The following CSMD1 variants were observed in gnomAD, a reference collection of about 807,000 sequenced individuals.
The protein encoded by CSMD1 is CUB and sushi domain-containing protein 1.
Under a neutral mutation model 417.5 loss-of-function variants are expected in CSMD1, and 213 were observed. The observed-to-expected ratio is 0.51, with a 90% CI of 0.46 to 0.57. The LOEUF is 0.57. CSMD1 is among the 20% of genes least tolerant of loss of function. The pLI is 0.00. For missense variants in CSMD1, 6,923 were observed against 4,529.7 expected (o/e 1.53, Z -15.17); for synonymous variants, 2,862 against 1,736.8 (o/e 1.65, Z -16.11).
At chr8:3,874,943 T>C (rs773544987) in intron 5 of CSMD1, among the ~76,000 whole-genome samples, 34 of 152,074 alleles carry the variant, frequency 2.2e-4, no homozygotes, top group Non-Finnish European at 4.1e-4. Context: ...GGCCTGACAT[T>C]TAATCTGAGA....
chr8:3,675,630 G>T (rs543074779), intron 7 of CSMD1, among the ~76,000 whole-genome samples: 1 of 152,076 alleles, frequency 6.6e-6, no homozygotes. Flanking sequence ...AGGAAAGGAG[G>T]AAACCAGGGT....
chr8:4,457,710 C>G (rs959829698), intron 2 of CSMD1, among the ~76,000 whole-genome samples: 5 of 152,106 alleles, frequency 3.3e-5, no homozygotes, highest in African/African-American at 1.2e-4. Context: ...GGCAGCTTCC[C>G]TTCCCGGTCC....
intron 7 of CSMD1, among the ~76,000 whole-genome samples, chr8:3,640,130 C>G (rs1328072116): frequency 6.6e-6 from 1 of 152,298 alleles, no homozygotes; most frequent in East Asian, 1.9e-4. Context: ...ACCTGTCCCA[C>G]TTTTTCTTGC....
intron 3 of CSMD1, among the ~76,000 whole-genome samples, chr8:4,163,939 G>A (rs966250510): frequency 1.3e-5 from 2 of 152,118 alleles, no homozygotes; most frequent in African/African-American, 2.4e-5. Flanking sequence ...TGTTATATAA[G>A]TTTTCCAGGC....
intron 3 of CSMD1, among the ~76,000 whole-genome samples, chr8:4,201,438 T>C (rs897911320): frequency 6.7e-6 from 1 of 148,380 alleles, no homozygotes; most frequent in Non-Finnish European, 1.5e-5. Flanking sequence ...CTCAGGAGGC[T>C]GAGGCAGGAG....
At chr8:4,516,672 C>T (rs1283215886) in intron 2 of CSMD1, among the ~76,000 whole-genome samples, 1 of 152,114 alleles carries the variant, frequency 6.6e-6, no homozygotes, top group South Asian at 2.1e-4. Flanking sequence ...TTATCTTTTC[C>T]ATGATCAGCC....
chr8:4,317,858 G>A (rs1415555804), intron 3 of CSMD1, among the ~76,000 whole-genome samples: 2 of 152,148 alleles, frequency 1.3e-5, no homozygotes, highest in Non-Finnish European at 2.9e-5. Context: ...AAGTTAAACC[G>A]AATTTTGGCA....
chr8:3,606,786 G>C (rs2469343), intron 8 of CSMD1, among the ~76,000 whole-genome samples: 107,655 of 151,120 alleles, frequency 0.71, 39,054 homozygotes, highest in Non-Finnish European at 0.79. Context: ...TCTCCACTCA[G>C]CGCAACCTCC....
chr8:4,226,701 C>G (rs1801379218), intron 3 of CSMD1, among the ~76,000 whole-genome samples: 1 of 151,888 alleles, frequency 6.6e-6, no homozygotes. Flanking sequence ...TTTACGTCCT[C>G]TTTAAAAAAG....
intron 1 of CSMD1, among the ~76,000 whole-genome samples, chr8:4,889,382 G>C (rs980019006): frequency 2.6e-5 from 4 of 152,132 alleles, no homozygotes; most frequent in South Asian, 4.1e-4. Context: ...GGAAGACTGA[G>C]AAACCACCAA....
In CSMD1 at chr8:3,670,438, T is replaced by TTA. The variant is rs1270008098; in HGVS notation, c.1009+37974_1009+37975dup. Among the ~76,000 whole-genome samples, 10 of 149,794 alleles carry TTA rather than the reference T, an allele frequency of 6.7e-5. 1 individual carries two copies. Among genetic ancestry groups the TTA allele is most frequent in the East Asian group, 3.9e-4 (2 of 5,128 alleles). On this transcript the variant is annotated intron_variant, in intron 7 of 69. Transcript: ENST00000635120. Reference sequence around the variant, plus strand: ...GAGTTAAAACCTAATAAACTCCCCTTTATATATATATAAATATCCCATATA... The same window carrying TTA: ...GAGTTAAAACCTAATAAACTCCCCTTTATATATATATATAAATATCCCATATA...
At chr8:4,155,734 T>G (rs1354501244) in intron 3 of CSMD1, among the ~76,000 whole-genome samples, 1 of 152,124 alleles carries the variant, frequency 6.6e-6, no homozygotes, top group Non-Finnish European at 1.5e-5. Context: ...GAAACATTCC[T>G]CCGTGTCAGC....
Position 3,262,934 on chromosome 8 carries a change from T to C in CSMD1, c.4153+21210A>G, listed in dbSNP as rs1444193848. 2.6e-5 allele frequency among the ~76,000 whole-genome samples: 4 copies of C among 152,280 alleles called. No homozygotes were observed. In the East Asian group the frequency reaches 7.7e-4, roughly 29 times the overall value. On this transcript the variant is annotated intron_variant, in intron 26 of 69. Coordinates refer to ENST00000635120, the MANE Select transcript of CSMD1 (RefSeq NM_033225.6). ...AAGAGAAAACTCAGTAGGAATCCTA[T>C]GAAAAAGTTTGTTGTTAATTAAAAG...
chr8:3,317,070 T>C (rs1805820772), intron 23 of CSMD1, among the ~76,000 whole-genome samples: 1 of 151,950 alleles, frequency 6.6e-6, no homozygotes, highest in South Asian at 2.1e-4. Flanking sequence ...GAAGACTCAG[T>C]AGATGATAGA....
chr8:4,378,662 A>G (rs538343760), intron 3 of CSMD1, among the ~76,000 whole-genome samples: 11 of 152,272 alleles, frequency 7.2e-5, no homozygotes, highest in Admixed American at 6.5e-4. Flanking sequence ...TGCTGGTTTA[A>G]TCATCCCCTT....
intron 4 of CSMD1, among the ~76,000 whole-genome samples, chr8:4,016,234 A>T (rs1796516568): frequency 6.6e-6 from 1 of 152,144 alleles, no homozygotes; most frequent in African/African-American, 2.4e-5. Context: ...TGATCTCTCC[A>T]TTCCCTTTGC....
chr8:3,986,012 C>A (rs1197266225), intron 5 of CSMD1, among the ~76,000 whole-genome samples: 2 of 152,072 alleles, frequency 1.3e-5, no homozygotes, highest in Non-Finnish European at 2.9e-5. Flanking sequence ...ACCCACTCCC[C>A]TGCTTCTCTT....
rs547720859 is a variant in CSMD1, at chr8:2,936,157, G to C, written c.*2428C>G. 1 of 151,750 alleles carries C rather than the reference G, an allele frequency of 6.6e-6. No homozygotes were observed. The highest frequency in any genetic ancestry group is 1.9e-4 in the East Asian group (1 of 5,146). 9.4% of individuals were successfully genotyped at this position (151,750 alleles called of 1,614,324 possible). A position where few individuals can be genotyped will look rare whatever the true frequency, so the allele number is the denominator to read the frequency against. On this transcript the variant is annotated 3_prime_UTR_variant, in exon 70 of 70. Transcript: ENST00000635120. ...TCATTTAAATAACATGCTTCAAACT[G>C]GCAACCCTAGGACAGTTTGACTTTG...
At chr8:4,184,779 C>T (rs1241411624) in intron 3 of CSMD1, among the ~76,000 whole-genome samples, 1 of 6,552 alleles carries the variant, frequency 1.5e-4, no homozygotes, top group Non-Finnish European at 3.4e-3. Flanking sequence ...ATAATCTGTA[C>T]CACAACCTGT....
Sources: gnomAD v4.1 joint callset for allele counts (sites outside exome capture counted in the v4.1 genomes callset) on GRCh38, gnomAD v4.1.1 for gene constraint, MANE v1.5 for transcripts, NCBI Gene and HGNC (gene_info 2026-07-23, HGNC 2026-07-21) for gene names.